PPP6R2: variants seen among roughly 807,000 people sequenced by gnomAD.
PPP6R2 encodes protein phosphatase 6 regulatory subunit 2, also known as serine/threonine-protein phosphatase 6 regulatory subunit 2.
A neutral mutation model predicts 100.2 loss-of-function variants in PPP6R2; 62 were observed. That is an observed-to-expected ratio of 0.62 (90% CI 0.50 to 0.76). The LOEUF (loss-of-function observed/expected upper bound fraction) is 0.76, where lower values mean the gene tolerates loss of function less well. Ranked by LOEUF, PPP6R2 falls within the 30% of genes least tolerant of loss-of-function variation. The pLI is 0.00. For missense variants in PPP6R2, 1,142 were observed against 1,276.3 expected, an observed-to-expected ratio of 0.89 and a Z score of 1.60; for synonymous variants, 525 against 514.7, an observed-to-expected ratio of 1.02 and a Z score of -0.27.
At chr22:50,382,836 A>ATTTTTTTTTTTTT (rs532410577) in intron 2 of PPP6R2, among the ~76,000 whole-genome samples, 1 of 141,278 alleles carries the variant, frequency 7.1e-6, no homozygotes, top group Non-Finnish European at 1.5e-5. Context: ...TTACAAGCAA[A>ATTTTTTTTTTTTT]TTTTTTTTTT....
At chr22:50,354,474 C>CT (rs2046018337) in intron 1 of PPP6R2, among the ~76,000 whole-genome samples, 1 of 151,958 alleles carries the variant, frequency 6.6e-6, no homozygotes, top group African/African-American at 2.4e-5. Flanking sequence ...GATTGGAGTG[C>CT]TTTTTTTATT....
In PPP6R2 at chr22:50,358,998, C is replaced by A. The variant is rs762353029; in HGVS notation, c.-147-13022C>A. Among the ~76,000 whole-genome samples the A allele has an allele frequency of 1.5e-4, 15 of 101,814 alleles. 2 individuals carry two copies. Among genetic ancestry groups the A allele is most frequent in the African/African-American group, 3.9e-4 (14 of 35,984 alleles). The allele number at this position is 101,814 out of a possible 152,430, so 66.8% of individuals were successfully genotyped here. On this transcript the variant is annotated intron_variant, in intron 1 of 23. Transcript: ENST00000612753. Reference sequence around the variant, plus strand: ...AGTAGTGTAAAAGAACCGCCCCCCCCCCCCCCCCAACTCTTTTTTTGAGAC... The same window carrying A: ...AGTAGTGTAAAAGAACCGCCCCCCCACCCCCCCCAACTCTTTTTTTGAGAC...
upstream of PPP6R2, among the ~76,000 whole-genome samples, chr22:50,341,959 C>CT (rs2042444762): frequency 2.0e-5 from 3 of 150,934 alleles, no homozygotes; most frequent in South Asian, 6.3e-4. Flanking sequence ...CGCCACTGCA[C>CT]TCCAGCCTGG....
chr22:50,377,364 A>G (rs1602636419), intron 2 of PPP6R2, among the ~76,000 whole-genome samples: 1 of 152,232 alleles, frequency 6.6e-6, no homozygotes, highest in East Asian at 1.9e-4. Context: ...CTGAGGTGGG[A>G]AGATCACTCG....
At chr22:50,430,649 A>T (rs988895683) in intron 10 of PPP6R2, among the ~76,000 whole-genome samples, 1 of 152,140 alleles carries the variant, frequency 6.6e-6, no homozygotes, top group Non-Finnish European at 1.5e-5. Flanking sequence ...GGAGGCGGGC[A>T]GATCACCTGA....
At position 50,409,308 on chromosome 22, in the gene PPP6R2, A is replaced by T. The variant is rs185028997; in HGVS notation, c.414+2433A>T. Among the ~76,000 whole-genome samples, 664 of 152,288 alleles carry T rather than the reference A, an allele frequency of 4.4e-3. 8 individuals are homozygous for T. Among genetic ancestry groups the T allele is most frequent in the African/African-American group, 0.015 (619 of 41,568 alleles). ...GAGAGAAAATATTTCATGAACCCCC[A>T]TGTCTCTGTCACTCAGATTCCACAT... is the stretch of plus-strand genomic sequence containing the variant. On this transcript the variant is annotated intron_variant, in intron 4 of 23. Transcript: ENST00000612753.
At chr22:50,441,503 C>T (rs1308267088) in intron 22 of PPP6R2, among the ~76,000 whole-genome samples, 1 of 152,168 alleles carries the variant, frequency 6.6e-6, no homozygotes, top group Non-Finnish European at 1.5e-5. Context: ...GCAGACCTCG[C>T]CTGCTGCTCC....
At chr22:50,374,830 C>T (rs530507790) in intron 2 of PPP6R2, among the ~76,000 whole-genome samples, 1 of 142,906 alleles carries the variant, frequency 7.0e-6, no homozygotes, top group Admixed American at 7.3e-5. Flanking sequence ...AGGAGAATTG[C>T]TTGAACGTGG....
intron 2 of PPP6R2, among the ~76,000 whole-genome samples, chr22:50,373,036 G>A (rs1371469629): frequency 6.6e-6 from 1 of 151,902 alleles, no homozygotes; most frequent in African/African-American, 2.4e-5. Flanking sequence ...TATTTAATGA[G>A]GTATATGTTC....
chr22:50,335,714 C>T, the PPP6R2 span, among the ~76,000 whole-genome samples: 319 of 128,922 alleles, frequency 2.5e-3, 23 homozygotes, highest in Middle Eastern at 0.02. Context: ...CTCGCTCTGT[C>T]ACCCAGGCTT....
chr22:50,393,647 T>C, intron 2 of PPP6R2: 1 of 958,824 alleles, frequency 1.0e-6, no homozygotes, highest in Non-Finnish European at 1.2e-6. Flanking sequence ...CTGGGAAGTC[T>C]GCTAACTTTG....
At chr22:50,335,218 A>ATT in the PPP6R2 span, among the ~76,000 whole-genome samples, 7 of 101,666 alleles carry the variant, frequency 6.9e-5, no homozygotes, top group East Asian at 3.6e-4. Context: ...CACCCGGCTA[A>ATT]TTTTTTTTTT....
intron 6 of PPP6R2, among the ~76,000 whole-genome samples, chr22:50,418,493 C>T (rs2060850659): frequency 6.6e-6 from 1 of 152,008 alleles, no homozygotes; most frequent in African/African-American, 2.4e-5. Flanking sequence ...TCAAGCCATT[C>T]TCCTGCCCTC....
chr22:50,337,433 G>A, the PPP6R2 span, among the ~76,000 whole-genome samples: 1 of 144,376 alleles, frequency 6.9e-6, no homozygotes, highest in African/African-American at 2.6e-5. Flanking sequence ...GGGTGTGTGT[G>A]TGCGGTACGT....
intron 10 of PPP6R2, among the ~76,000 whole-genome samples, chr22:50,424,082 GC>G (rs1253678103): frequency 6.6e-6 from 1 of 152,230 alleles, no homozygotes; most frequent in African/African-American, 2.4e-5. Context: ...GCTCCAGGTG[GC>G]TGAGGAGAGG....
the PPP6R2 span, among the ~76,000 whole-genome samples, chr22:50,334,198 A>G: frequency 7.2e-5 from 11 of 152,296 alleles, no homozygotes; most frequent in African/African-American, 2.4e-4. Flanking sequence ...CAGGCCTTCC[A>G]CAAGAGGTGG....
chr22:50,333,732 G>A, the PPP6R2 span, among the ~76,000 whole-genome samples: 4 of 152,136 alleles, frequency 2.6e-5, no homozygotes, highest in African/African-American at 2.4e-5. Flanking sequence ...ACGAGAGATC[G>A]TAGAAATAAA....
the PPP6R2 span, among the ~76,000 whole-genome samples, chr22:50,335,353 G>A: frequency 2.7e-5 from 4 of 150,218 alleles, no homozygotes; most frequent in East Asian, 2.0e-4. Flanking sequence ...GTGAGCCACC[G>A]CGCCCAGCCA....
chr22:50,412,727 T>C (rs1259723719), intron 4 of PPP6R2, among the ~76,000 whole-genome samples: 2 of 141,302 alleles, frequency 1.4e-5, no homozygotes, highest in African/African-American at 5.3e-5. Flanking sequence ...CTGCAAGCTC[T>C]GCCTCCTGGG....
Sources: gnomAD v4.1 joint callset for allele counts (sites outside exome capture counted in the v4.1 genomes callset) on GRCh38, gnomAD v4.1.1 for gene constraint, MANE v1.5 for transcripts, NCBI Gene and HGNC (gene_info 2026-07-23, HGNC 2026-07-21) for gene names.